Variants in KCNT2 observed in about 807,000 individuals in gnomAD.
KCNT2 encodes potassium sodium-activated channel subfamily T member 2.
A neutral mutation model predicts 153.8 loss-of-function variants in KCNT2; 67 were observed. That is an observed-to-expected ratio of 0.44 (90% CI 0.36 to 0.53). The LOEUF is 0.53. KCNT2 is among the 20% of genes least tolerant of loss of function. The pLI is 0.00. For synonymous variants in KCNT2, 500 were observed against 458.8 expected (o/e 1.09, Z -1.15); for missense variants, 975 against 1,354.8 (o/e 0.72, Z 4.40).
At chr1:196,578,269 G>T (rs113356633) in intron 1 of KCNT2, among the ~76,000 whole-genome samples, 1 of 151,532 alleles carries the variant, frequency 6.6e-6, no homozygotes, top group Admixed American at 6.6e-5. Context: ...AGTTGTAACC[G>T]ATCCAGAACG....
chr1:196,361,963 C>T (rs1667665378), intron 14 of KCNT2, among the ~76,000 whole-genome samples: 1 of 151,828 alleles, frequency 6.6e-6, no homozygotes, highest in Non-Finnish European at 1.5e-5. Context: ...AAATGCCTCT[C>T]ATCCTCACTG....
intron 7 of KCNT2, among the ~76,000 whole-genome samples, chr1:196,466,435 G>C (rs1009614025): frequency 6.6e-6 from 1 of 151,936 alleles, no homozygotes; most frequent in Non-Finnish European, 1.5e-5. Context: ...TCATCTAGTT[G>C]TGAATACTAA....
At position 196,608,196 on chromosome 1, in the gene KCNT2, C is replaced by T; in HGVS notation, c.95+19G>A. The T allele has an allele frequency of 6.2e-7, 1 of 1,608,354 alleles. No homozygotes were observed. Among genetic ancestry groups the T allele is most frequent in the East Asian group, 2.2e-5 (1 of 44,800 alleles). On this transcript the variant is annotated intron_variant, in intron 1 of 27. Coordinates refer to ENST00000294725, the MANE Select transcript of KCNT2 (RefSeq NM_198503.5). ...TTTTCAGCAATATTTACAGAACAAT[C>T]CTCCACCACACCACTCACCTGTCGT...
intron 8 of KCNT2, among the ~76,000 whole-genome samples, chr1:196,464,061 A>G (rs925885116): frequency 1.3e-5 from 2 of 151,868 alleles, no homozygotes; most frequent in African/African-American, 4.8e-5. Flanking sequence ...TGCATACCAT[A>G]CATACATAAT....
intron 1 of KCNT2, among the ~76,000 whole-genome samples, chr1:196,575,210 T>G (rs1202577354): frequency 6.6e-6 from 1 of 152,176 alleles, no homozygotes; most frequent in Non-Finnish European, 1.5e-5. Flanking sequence ...CTGACTGATC[T>G]CTATACACAA....
chr1:196,499,681 A>C (rs9782933), intron 1 of KCNT2, among the ~76,000 whole-genome samples: 1 of 152,208 alleles, frequency 6.6e-6, no homozygotes, highest in South Asian at 2.1e-4. Context: ...AACTTAATCT[A>C]CCTTATGATT....
chr1:196,526,885 AC>A (rs979900597), intron 1 of KCNT2, among the ~76,000 whole-genome samples: 3 of 151,944 alleles, frequency 2.0e-5, no homozygotes, highest in African/African-American at 7.3e-5. Flanking sequence ...GTGGTCCCTA[AC>A]CCCCATGCCT....
chr1:196,506,407 T>C (rs1681149046), intron 1 of KCNT2, among the ~76,000 whole-genome samples: 2 of 152,196 alleles, frequency 1.3e-5, no homozygotes, highest in Admixed American at 1.3e-4. Context: ...CAATTTGATA[T>C]GGTTGTTTCC....
chr1:196,346,060 A>T (rs1666115428), intron 14 of KCNT2, among the ~76,000 whole-genome samples: 2 of 152,134 alleles, frequency 1.3e-5, no homozygotes, highest in Admixed American at 6.6e-5. Context: ...TACTAGGTAC[A>T]TGGGTGTTCA....
intron 1 of KCNT2, among the ~76,000 whole-genome samples, chr1:196,582,194 A>G (rs1204489896): frequency 6.6e-6 from 1 of 152,012 alleles, no homozygotes; most frequent in Non-Finnish European, 1.5e-5. Context: ...AACAGGGTTC[A>G]AGTTCCTGGC....
chr1:196,227,156 G>A lies in KCNT2; in HGVS notation c.*1068C>T, dbSNP rs1239598064. On this transcript the variant is annotated 3_prime_UTR_variant, in exon 28 of 28. Transcript: ENST00000294725. ...ATGTTAAAGTATAGCTCATATATAC[G>A]ATTTCAAAATTAAGTCAAAAATTTT... 2 of 151,792 alleles carry A rather than the reference G, an allele frequency of 1.3e-5. No homozygotes were observed. Among genetic ancestry groups the A allele is most frequent in the African/African-American group, 4.8e-5 (2 of 41,360 alleles). The allele number at this position is 151,792 out of a possible 1,614,324, so 9.4% of individuals were successfully genotyped here.
intron 23 of KCNT2, among the ~76,000 whole-genome samples, chr1:196,283,482 A>G (rs1022792278): frequency 2.6e-5 from 4 of 152,246 alleles, no homozygotes; most frequent in Admixed American, 2.0e-4. Context: ...AAATAAATAA[A>G]TAGATAAATA....
intron 8 of KCNT2, among the ~76,000 whole-genome samples, chr1:196,446,934 T>G (rs974683589): frequency 2.0e-5 from 3 of 151,562 alleles, no homozygotes; most frequent in Admixed American, 6.6e-5. Flanking sequence ...CCATTAGAAA[T>G]GTAGATCTAT....
chr1:196,466,184 T>C (rs1360220532), intron 7 of KCNT2, among the ~76,000 whole-genome samples: 2 of 152,116 alleles, frequency 1.3e-5, no homozygotes, highest in African/African-American at 2.4e-5. Flanking sequence ...CTGTCTTGTT[T>C]GAGTTATTTT....
intron 1 of KCNT2, among the ~76,000 whole-genome samples, chr1:196,527,480 C>G (rs550999594): frequency 3.3e-5 from 5 of 151,964 alleles, no homozygotes; most frequent in African/African-American, 1.2e-4. Flanking sequence ...AACAGGGTAA[C>G]GTAAAATGAA....
intron 25 of KCNT2, among the ~76,000 whole-genome samples, chr1:196,265,104 C>T (rs919471775): frequency 6.6e-6 from 1 of 152,158 alleles, no homozygotes; most frequent in Non-Finnish European, 1.5e-5. Context: ...AATCATCAGT[C>T]TCAACAGGAC....
chr1:196,293,962 G>C (rs1660441988), intron 22 of KCNT2, among the ~76,000 whole-genome samples: 1 of 151,462 alleles, frequency 6.6e-6, no homozygotes, highest in Non-Finnish European at 1.5e-5. Context: ...ATTTGATAGG[G>C]GGCTCATATC....
intron 14 of KCNT2, among the ~76,000 whole-genome samples, chr1:196,350,391 T>C (rs1043264708): frequency 6.6e-6 from 1 of 152,206 alleles, no homozygotes; most frequent in Non-Finnish European, 1.5e-5. Flanking sequence ...TTTTTAACGA[T>C]TGCCATTCTG....
At chr1:196,347,099 C>T (rs1199408291) in intron 14 of KCNT2, among the ~76,000 whole-genome samples, 7 of 152,080 alleles carry the variant, frequency 4.6e-5, no homozygotes, top group African/African-American at 1.2e-4. Flanking sequence ...TGTTCAGGAA[C>T]GTCAGTTCTG....
Sources: allele counts gnomAD v4.1 joint callset (sites outside exome capture counted in the v4.1 genomes callset), GRCh38; gene constraint gnomAD v4.1.1; transcripts MANE v1.5; gene names NCBI Gene and HGNC (gene_info 2026-07-23, HGNC 2026-07-21).